Variants in ZFP28 observed in about 807,000 individuals in gnomAD.
The protein encoded by ZFP28 is zinc finger protein 28 homolog.
ZFP28 carries 31 observed loss-of-function variants against 39.5 expected under a neutral mutation model. The observed-to-expected ratio is 0.79, with a 90% CI of 0.59 to 1.06. ZFP28 has a LOEUF of 1.06. Ranked by LOEUF, ZFP28 falls within the 50% of genes least tolerant of loss-of-function variation. The probability of loss-of-function intolerance (pLI) is 0.00; values close to 1 mark genes in which losing one functional copy is unlikely to be tolerated. For synonymous variants in ZFP28, 400 were observed against 378.6 expected (o/e 1.06, Z -0.66); for missense variants, 925 against 1,048.4 (o/e 0.88, Z 1.63).
At position 56,547,264 on chromosome 19, in the gene ZFP28, A is replaced by G. The variant is rs2044250389; in HGVS notation, c.301-244A>G. The G allele has an allele frequency of 8.0e-6, 4 of 502,196 alleles. No individual in the cohort carries two copies. The highest frequency in any genetic ancestry group is 5.2e-5 in the South Asian group (2 of 38,266). 31.1% of individuals were successfully genotyped at this position (502,196 alleles called of 1,614,324 possible). ...TTTCCCTGTGCCTGCACACCGTGGT[A>G]TCTCTTCCTGTTTTAATAAGGACAC... On this transcript the variant is annotated intron_variant, in intron 2 of 7. Coordinates refer to ENST00000301318, the MANE Select transcript of ZFP28 (RefSeq NM_020828.2). The surrounding 1 kb of genome is among the most constrained non-coding windows in gnomAD (Gnocchi z 4.6).
At chr19:56,548,391 TC>T (rs2044262588) in intron 4 of ZFP28, 1 of 153,628 alleles carries the variant, frequency 6.5e-6, no homozygotes, top group Admixed American at 6.5e-5. Flanking sequence ...ATTCATCTCT[TC>T]TTGAGACTAG....
At chr19:56,546,860 T>C (rs564017675) in intron 2 of ZFP28, 1 of 152,804 alleles carries the variant, frequency 6.5e-6, no homozygotes, top group South Asian at 2.1e-4. Context: ...TCAGGGGTTT[T>C]TCTTGTGGCT....
intron 2 of ZFP28, chr19:56,546,895 G>C (rs1320889826): frequency 1.3e-5 from 2 of 152,500 alleles, no homozygotes; most frequent in African/African-American, 2.4e-5. Context: ...CCACAAAACT[G>C]CAAGTTCTCC....
chr19:56,555,168 A>G lies in ZFP28; in HGVS notation c.2383A>G (p.Ile795Val). 1 of 1,614,220 alleles carries G rather than the reference A, an allele frequency of 6.2e-7. No homozygotes were observed. The highest frequency in any genetic ancestry group is 8.5e-7 in the Non-Finnish European group (1 of 1,180,038). ...ATGTAAGGAATGTAGGAAAACCTTC[A>G]TCCAAATTGGACACCTTAATCAACA... Reference protein sequence around the residue: ...YECKECRKTFIQIGHLNQHKR... With the variant: ...YECKECRKTFVQIGHLNQHKR... The change falls in exon 8 of 8, where the codon ATC becomes GTC. Residue 795 changes from isoleucine (I) to valine (V), a missense_variant. By Grantham distance (29) the Ile-to-Val change is conservative. Around this residue, in one of 2 missense-constraint regions of ZFP28, gnomAD observed 369 missense variants for 505.5 expected, o/e 0.73. Transcript: ENST00000301318.
In ZFP28 at chr19:56,550,575, A is replaced by G; in HGVS notation, c.868A>G (p.Lys290Glu). Residue 290 changes from lysine to glutamate, a missense_variant, in exon 7 of 8, where the codon AAG becomes GAG. Physicochemically the swap from Lys to Glu is moderately conservative, Grantham distance 56 (BLOSUM62 1). Around this residue, in one of 2 missense-constraint regions of ZFP28, gnomAD observed 556 missense variants for 542.9 expected, o/e 1.02. Coordinates refer to ENST00000301318, the MANE Select transcript of ZFP28 (RefSeq NM_020828.2). ...GCAAGAGAAGGAGCCCTGGATGGTG[A>G]AGCGAGAGCTGACAGGAAGCCTGTT... Reference protein sequence around the residue: ...LEQEKEPWMVKRELTGSLFSG... With the variant: ...LEQEKEPWMVERELTGSLFSG... 1 of 1,614,138 alleles carries G rather than the reference A, an allele frequency of 6.2e-7. No individual in the cohort carries two copies. The highest frequency in any genetic ancestry group is 1.3e-5 in the African/African-American group (1 of 75,050).
chr19:56,553,828 A>C lies in ZFP28; in HGVS notation c.1043A>C (p.Lys348Thr). Reference protein sequence around the residue: ...NWDSDYVFGRKLAVGQETQFR... With the variant: ...NWDSDYVFGRTLAVGQETQFR... The stretch of plus-strand genomic sequence containing the variant: ...GATTCTGACTATGTGTTTGGAAGGA[A>C]GCTTGCAGTAGGTCAAGAGACACAA... Residue 348 changes from lysine (K) to threonine (T), a missense_variant, in exon 8 of 8, where the codon AAG becomes ACG. By Grantham distance (78) the Lys-to-Thr change is moderately conservative. Transcript: ENST00000301318. 1 of 1,614,184 alleles carries C rather than the reference A, an allele frequency of 6.2e-7. No individual in the cohort carries two copies. Among genetic ancestry groups the C allele is most frequent in the Non-Finnish European group, 8.5e-7 (1 of 1,180,034 alleles).
intron 7 of ZFP28, among the ~76,000 whole-genome samples, chr19:56,553,383 G>C (rs1181819890): frequency 6.6e-6 from 1 of 151,996 alleles, no homozygotes; most frequent in Admixed American, 6.6e-5. Flanking sequence ...ACCATGCCTG[G>C]CTAATTTTAA....
intron 2 of ZFP28, among the ~76,000 whole-genome samples, chr19:56,541,078 C>A (rs1422087071): frequency 1.3e-5 from 2 of 152,176 alleles, no homozygotes; most frequent in African/African-American, 4.8e-5. Context: ...CAAACCTCTC[C>A]TCTGAGCCGC....
At chr19:56,541,791 G>A (rs937023532) in intron 2 of ZFP28, among the ~76,000 whole-genome samples, 2 of 151,248 alleles carry the variant, frequency 1.3e-5, no homozygotes, top group East Asian at 1.9e-4. Context: ...GTACAGTGGC[G>A]TGATCTCGGC....
chr19:56,555,666 A>G lies in ZFP28; in HGVS notation c.*274A>G, dbSNP rs1338912492. The G allele has an allele frequency of 8.4e-6, 3 of 358,926 alleles. No individual in the cohort carries two copies. Among genetic ancestry groups the G allele is most frequent in the Non-Finnish European group, 1.5e-5 (3 of 203,104 alleles). 22.2% of individuals were successfully genotyped at this position (358,926 alleles called of 1,614,324 possible). On this transcript the variant is annotated 3_prime_UTR_variant, in exon 8 of 8. Transcript: ENST00000301318. ...AAAAGTTACAGTAGTCAGCTCTGATAAAAAAATGATGCAGTAGGGTGAGGG... is the reference window on the plus strand; with the variant it reads ...AAAAGTTACAGTAGTCAGCTCTGATGAAAAAATGATGCAGTAGGGTGAGGG...
chr19:56,555,241 G>T lies in ZFP28; in HGVS notation c.2456G>T (p.Arg819Ile). The T allele has an allele frequency of 6.2e-7, 1 of 1,614,182 alleles. No homozygotes were observed. Among genetic ancestry groups the T allele is most frequent in the Non-Finnish European group, 8.5e-7 (1 of 1,180,042 alleles). ...AGATCTTATAACTATAAGAAAAGCA[G>T]AAAAGTCTTCAGGCAAACTGCTCAC... Reference protein sequence around the residue: ...GERSYNYKKSRKVFRQTAHLA... With the variant: ...GERSYNYKKSIKVFRQTAHLA... Residue 819 changes from arginine to isoleucine, a missense_variant, in exon 8 of 8, where the codon AGA becomes ATA. By Grantham distance (97) the Arg-to-Ile change is moderately conservative (BLOSUM62 -3). Coordinates refer to ENST00000301318, the MANE Select transcript of ZFP28 (RefSeq NM_020828.2).
Position 56,555,727 on chromosome 19 carries a change from C to G in ZFP28, c.*335C>G, listed in dbSNP as rs901643104. ...CACATTTTCTATCAGGAACAGAATTCTCCAGTAGTGGGTGAGGTTTTGCCT... is the reference window on the plus strand; with the variant it reads ...CACATTTTCTATCAGGAACAGAATTGTCCAGTAGTGGGTGAGGTTTTGCCT... On this transcript the variant is annotated 3_prime_UTR_variant, in exon 8 of 8. Transcript: ENST00000301318. 4.9e-5 allele frequency: 11 copies of G among 222,308 alleles called. No individual in the cohort carries two copies. Among genetic ancestry groups the G allele is most frequent in the Admixed American group, 4.3e-4 (8 of 18,554 alleles). 13.8% of individuals were successfully genotyped at this position (222,308 alleles called of 1,614,324 possible). A position where few individuals can be genotyped will look rare whatever the true frequency, so the allele number is the denominator to read the frequency against.
intron 2 of ZFP28, among the ~76,000 whole-genome samples, chr19:56,543,765 G>C (rs1460699398): frequency 1.3e-5 from 2 of 152,190 alleles, no homozygotes; most frequent in Non-Finnish European, 2.9e-5. Flanking sequence ...CCTAAATTAA[G>C]TAGGTTGATC....
intron 2 of ZFP28, chr19:56,546,214 T>C (rs892267949): frequency 6.6e-6 from 1 of 152,228 alleles, no homozygotes; most frequent in African/African-American, 2.4e-5. Context: ...AATTCAGCTT[T>C]TGGGGTAGTC....
chr19:56,552,708 A>G (rs1226573736), intron 7 of ZFP28: 1 of 152,052 alleles, frequency 6.6e-6, no homozygotes, highest in Non-Finnish European at 1.5e-5. Flanking sequence ...TGATTTTTTC[A>G]TTTGTTTCAC....
At chr19:56,552,165 C>T (rs1449323433) in intron 7 of ZFP28, 1 of 263,190 alleles carries the variant, frequency 3.8e-6, no homozygotes, top group Non-Finnish European at 5.9e-6. Flanking sequence ...CTCCAGTTTT[C>T]ACCTATAATC....
At chr19:56,541,811 C>A (rs1175864135) in intron 2 of ZFP28, among the ~76,000 whole-genome samples, 1 of 151,104 alleles carries the variant, frequency 6.6e-6, no homozygotes, top group Non-Finnish European at 1.5e-5. Context: ...CTCACTGCAA[C>A]CTCCGCCTCC....
At position 56,555,307 on chromosome 19, in the gene ZFP28, C is replaced by T; in HGVS notation, c.2522C>T (p.Thr841Ile). ...HQRIHTGESS[T>I]CPSLPSTSNP... ...CGAATTCATACTGGAGAGTCGTCAA[C>T]ATGCCCCTCTTTACCTTCCACGTCA... The change falls in exon 8 of 8, where the codon ACA (threonine) becomes ATA (isoleucine). Residue 841 changes from threonine (T) to isoleucine (I), a missense_variant. Physicochemically the swap from Thr to Ile is moderately conservative, Grantham distance 89. Transcript: ENST00000301318. The T allele has an allele frequency of 6.2e-7, 1 of 1,614,130 alleles. No homozygotes were observed.
At chr19:56,550,220 G>A (rs760831073) in intron 6 of ZFP28, 39 bp downstream of exon 6, 2 of 1,550,440 alleles carry the variant, frequency 1.3e-6, no homozygotes, top group East Asian at 4.6e-5. Context: ...TCTATCGTCG[G>A]GTACCTCCAT....
Sources: gnomAD v4.1 joint callset for allele counts (sites outside exome capture counted in the v4.1 genomes callset) on GRCh38, gnomAD v4.1.1 for gene constraint, gnomAD v4.1.1 regional missense constraint, Gnocchi (gnomAD v3.1) non-coding constraint, MANE v1.5 for transcripts, NCBI Gene and HGNC (gene_info 2026-07-23, HGNC 2026-07-21) for gene names.